The following TTC7B variants were observed in gnomAD, a reference collection of about 807,000 sequenced individuals.
TTC7B encodes the protein tetratricopeptide repeat domain 7B.
TTC7B carries 28 observed loss-of-function variants against 106.8 expected under a neutral mutation model. The ratio of observed to expected loss-of-function variants is 0.26; its 90% CI spans 0.19 to 0.36. The LOEUF (loss-of-function observed/expected upper bound fraction) is 0.36, where lower values mean the gene tolerates loss of function less well. Ranked by LOEUF, TTC7B falls within the 10% of genes least tolerant of loss-of-function variation. The pLI is 1.00. For missense variants in TTC7B, 862 were observed against 1,076.4 expected (o/e 0.80, Z 2.79); for synonymous variants, 405 against 430.6 (o/e 0.94, Z 0.74).
chr14:90,670,716 G>A (rs1886599513), intron 9 of TTC7B, among the ~76,000 whole-genome samples: 2 of 152,170 alleles, frequency 1.3e-5, no homozygotes, highest in Non-Finnish European at 2.9e-5. Context: ...CAGGGGCCAT[G>A]TCAGAGGCTG....
At chr14:90,618,076 C>T in intron 15 of TTC7B, 31 bp from the exon 16 acceptor site, 1 of 1,537,334 alleles carries the variant, frequency 6.5e-7, no homozygotes, top group Non-Finnish European at 9.0e-7. Context: ...GAGAAAACAC[C>T]ACGGCTCAAG....
At chr14:90,703,656 A>G (rs1156254745) in intron 5 of TTC7B, among the ~76,000 whole-genome samples, 2 of 152,244 alleles carry the variant, frequency 1.3e-5, no homozygotes, top group African/African-American at 4.8e-5. Context: ...AGCAGGTAGC[A>G]GAGGTGGGTG....
chr14:90,789,822 G>C (rs1010282840), intron 1 of TTC7B, among the ~76,000 whole-genome samples: 5 of 151,908 alleles, frequency 3.3e-5, no homozygotes, highest in Non-Finnish European at 7.4e-5. Flanking sequence ...CGTGAACCTG[G>C]GGGGTGGAGC....
intron 15 of TTC7B, among the ~76,000 whole-genome samples, chr14:90,625,030 T>C (rs1884378107): frequency 6.6e-6 from 1 of 152,228 alleles, no homozygotes; most frequent in South Asian, 2.1e-4. Context: ...CCTGTCCAGA[T>C]CGGGGGAGCT....
chr14:90,622,895 C>A (rs1884271033), intron 15 of TTC7B, among the ~76,000 whole-genome samples: 2 of 152,158 alleles, frequency 1.3e-5, no homozygotes, highest in African/African-American at 2.4e-5. Context: ...TCCTGTCCAC[C>A]CACATGCTTA....
intron 6 of TTC7B, among the ~76,000 whole-genome samples, chr14:90,693,897 T>A (rs992454423): frequency 6.6e-6 from 1 of 152,190 alleles, no homozygotes; most frequent in African/African-American, 2.4e-5. Flanking sequence ...ACACAAAAAC[T>A]TGTACATGAA....
chr14:90,740,365 G>C (rs1000271622), intron 4 of TTC7B, among the ~76,000 whole-genome samples: 2 of 152,128 alleles, frequency 1.3e-5, no homozygotes, highest in African/African-American at 4.8e-5. Context: ...AAACGACCAG[G>C]AGTGAACAGA....
intron 5 of TTC7B, among the ~76,000 whole-genome samples, chr14:90,710,719 C>T (rs139379756): frequency 1.2e-4 from 19 of 152,302 alleles, no homozygotes; most frequent in East Asian, 3.9e-4. Context: ...ACTTGCTGAA[C>T]GCTCAGACGA....
chr14:90,769,049 G>A (rs1397249718), intron 3 of TTC7B, among the ~76,000 whole-genome samples: 1 of 152,106 alleles, frequency 6.6e-6, no homozygotes, highest in Non-Finnish European at 1.5e-5. Flanking sequence ...GAAAGGGGTG[G>A]GGATAGAGCT....
chr14:90,698,241 T>C (rs1887841036), intron 5 of TTC7B: 1 of 152,176 alleles, frequency 6.6e-6, no homozygotes, highest in Admixed American at 6.5e-5. Context: ...AGTACACGGA[T>C]AATCAGAACA....
intron 3 of TTC7B, among the ~76,000 whole-genome samples, chr14:90,778,140 G>C (rs1226487342): frequency 6.6e-6 from 1 of 152,144 alleles, no homozygotes; most frequent in Non-Finnish European, 1.5e-5. Context: ...CCCCCAGGCT[G>C]CTGGCCACTT....
intron 15 of TTC7B, among the ~76,000 whole-genome samples, chr14:90,637,916 G>T (rs911182779): frequency 6.6e-6 from 1 of 152,096 alleles, no homozygotes; most frequent in Admixed American, 6.6e-5. Context: ...CTTTTTTTCT[G>T]AGGCAGGGCC....
intron 17 of TTC7B, among the ~76,000 whole-genome samples, chr14:90,601,663 C>T (rs553339131): frequency 3.3e-5 from 5 of 152,216 alleles, no homozygotes; most frequent in South Asian, 2.1e-4. Context: ...GGGAGCGCCC[C>T]GGGTCCTCTA....
chr14:90,579,229 C>A (rs903759612), intron 18 of TTC7B, among the ~76,000 whole-genome samples: 2 of 152,198 alleles, frequency 1.3e-5, no homozygotes, highest in Non-Finnish European at 2.9e-5. Context: ...CACCCCCCAC[C>A]CCTCTCCAGG....
chr14:90,681,630 G>A (rs780899979), intron 7 of TTC7B, among the ~76,000 whole-genome samples: 6 of 152,318 alleles, frequency 3.9e-5, no homozygotes, highest in South Asian at 2.1e-4. Context: ...TGCTGATACC[G>A]CTGGAGGTAA....
At position 90,535,887 on chromosome 14, in the gene TTC7B, T is replaced by C. The variant is rs969838780; in HGVS notation, c.*5481A>G. 2.8e-4 allele frequency: 42 copies of C among 152,414 alleles called. No homozygotes were observed. Among genetic ancestry groups the C allele is most frequent in the African/African-American group, 9.6e-4 (40 of 41,470 alleles). The allele number at this position is 152,414 out of a possible 1,614,324, so 9.4% of individuals were successfully genotyped here. The stretch of plus-strand genomic sequence containing the variant: ...CCTTCTCCGTGTGTCCTGGCGTGGC[T>C]GAGCGTGAGCTCACTTGCACTTTAG... On this transcript the variant is annotated 3_prime_UTR_variant, in exon 20 of 20. Transcript: ENST00000328459.
intron 1 of TTC7B, among the ~76,000 whole-genome samples, chr14:90,798,272 TGATG>T (rs2030003992): frequency 1.3e-5 from 2 of 152,170 alleles, no homozygotes; most frequent in Non-Finnish European, 2.9e-5. Flanking sequence ...AGCAGGCCAC[TGATG>T]GATGAGCGAG....
chr14:90,618,064 G>T lies in TTC7B; in HGVS notation c.1752-19C>A. ...CAGTAGTCTGCAGTGGGGAGACAAA[G>T]GGAGAAAACACCACGGCTCAAGCCA... On this transcript the variant is annotated intron_variant, in intron 15 of 19. Transcript: ENST00000328459. 6.3e-7 allele frequency: 1 copy of T among 1,577,688 alleles called. No homozygotes were observed. Among genetic ancestry groups the T allele is most frequent in the Non-Finnish European group, 8.7e-7 (1 of 1,147,374 alleles).
chr14:90,573,429 G>GGCTCACGGTCCCTCTCA (rs1566777180), intron 19 of TTC7B, among the ~76,000 whole-genome samples: 2 of 117,936 alleles, frequency 1.7e-5, no homozygotes, highest in African/African-American at 7.5e-5. Context: ...GTCCCTCTCC[G>GGCTCACGGTCCCTCTCA]GCTCACGGTC....
Sources: gnomAD v4.1 joint callset for allele counts (sites outside exome capture counted in the v4.1 genomes callset) on GRCh38, gnomAD v4.1.1 for gene constraint, MANE v1.5 for transcripts, NCBI Gene and HGNC (gene_info 2026-07-23, HGNC 2026-07-21) for gene names.